Variants in CCL15 observed in about 807,000 individuals in gnomAD.
The protein encoded by CCL15 is C-C motif chemokine ligand 15.
CCL15 carries 8 observed loss-of-function variants against 10.6 expected under a neutral mutation model. That is an observed-to-expected ratio of 0.75 (90% CI 0.44 to 1.36). The LOEUF (loss-of-function observed/expected upper bound fraction) is 1.36, where lower values mean the gene tolerates loss of function less well. Ranked by LOEUF, CCL15 falls within the 40% of genes most tolerant of loss-of-function variation. The pLI is 0.00. For synonymous variants in CCL15, 51 were observed against 48.8 expected (o/e 1.04, Z -0.19); for missense variants, 128 against 136.6 (o/e 0.94, Z 0.32).
Position 35,997,823 on chromosome 17 carries a change from G to C in CCL15, c.286C>G (p.Pro96Ala). The C allele has an allele frequency of 6.2e-7, 1 of 1,614,040 alleles. No individual in the cohort carries two copies. Among genetic ancestry groups the C allele is most frequent in the Non-Finnish European group, 8.5e-7 (1 of 1,179,934 alleles). Residue 96 changes from proline (P) to alanine (A), a missense_variant, in exon 4 of 4, where the codon CCC becomes GCC. Transcript: ENST00000617897. Reference sequence around the variant, plus strand: ...CAATCCTGAACTCCCGGACCACTGGGTTTGGCACAGACTTGCCGCCCCTTC... The same window carrying C: ...CAATCCTGAACTCCCGGACCACTGGCTTTGGCACAGACTTGCCGCCCCTTC... The part of the protein sequence containing the change: ...TKKGRQVCAK[P>A]SGPGVQDCMK...
In CCL15 at chr17:35,997,945, T is replaced by C. The variant is rs1408346915; in HGVS notation, c.249-85A>G. 1.5e-5 allele frequency: 13 copies of C among 889,686 alleles called. No individual in the cohort carries two copies. The African/African-American group carries it at 2.0e-4, about 14-fold the overall frequency. 55.1% of individuals were successfully genotyped at this position (889,686 alleles called of 1,614,324 possible). ...CCCCATCCTCCCTGCTCCTCAGATT[T>C]CCCAGTCAACACAGCCTGTTTTTTC... On this transcript the variant is annotated intron_variant, in intron 3 of 3. Coordinates refer to ENST00000617897, the MANE Select transcript of CCL15 (RefSeq NM_032965.6).
chr17:35,999,425 C>T (rs944012249), intron 1 of CCL15, among the ~76,000 whole-genome samples: 1 of 151,622 alleles, frequency 6.6e-6, no homozygotes, highest in African/African-American at 2.4e-5. Context: ...TCTTCCTTGG[C>T]CCCACCAAGG....
Position 35,997,841 on chromosome 17 carries a change from G to A in CCL15, c.268C>T (p.Arg90Trp), listed in dbSNP as rs138739843. The change falls in exon 4 of 4, where the codon CGG becomes TGG. Residue 90 changes from arginine to tryptophan, a missense_variant. Arg to Trp is a moderately radical substitution (Grantham distance 101). Transcript: ENST00000617897. Reference protein sequence around the residue: ...PGVIFLTKKGRQVCAKPSGPG... With the variant: ...PGVIFLTKKGWQVCAKPSGPG... ...CCACTGGGTTTGGCACAGACTTGCC[G>A]CCCCTTCTTGGTGAGGAATCTGGGG... is the stretch of plus-strand genomic sequence containing the variant. 87 of 1,613,650 alleles carry A rather than the reference G, an allele frequency of 5.4e-5. No homozygotes were observed. In the Admixed American group the frequency reaches 1.2e-3, roughly 22 times the overall value.
At chr17:35,998,996 A>G in intron 1 of CCL15, 71 bp from the exon 2 acceptor site, 3 of 1,250,392 alleles carry the variant, frequency 2.4e-6, no homozygotes, top group Non-Finnish European at 3.5e-6. Context: ...CACCCACCCC[A>G]TTGCTCATCC....
chr17:35,997,705 A>T lies in CCL15; in HGVS notation c.*62T>A, dbSNP rs2089931327. 2.1e-6 allele frequency: 2 copies of T among 968,824 alleles called. No individual in the cohort carries two copies. Among genetic ancestry groups the T allele is most frequent in the African/African-American group, 3.2e-5 (2 of 62,066 alleles). 60.0% of individuals were successfully genotyped at this position (968,824 alleles called of 1,614,324 possible). A position where few individuals can be genotyped will look rare whatever the true frequency, so the allele number is the denominator to read the frequency against. ...AATATATATATTTTTTAAGTATTTC[A>T]GACCAAGAAACTCACAGGAGGTGTT... On this transcript the variant is annotated 3_prime_UTR_variant, in exon 4 of 4. Coordinates refer to ENST00000617897, the MANE Select transcript of CCL15 (RefSeq NM_032965.6).
At chr17:36,001,388 T>A in intron 1 of CCL15, 29 bp downstream of exon 1, 1 of 1,613,756 alleles carries the variant, frequency 6.2e-7, no homozygotes, top group Non-Finnish European at 8.5e-7. Flanking sequence ...ATGGACCTGG[T>A]CACCTGGGAG....
At chr17:36,001,352 G>A (rs2089993077) in intron 1 of CCL15, 65 bp downstream of exon 1, 1 of 1,594,356 alleles carries the variant, frequency 6.3e-7, no homozygotes, top group African/African-American at 1.3e-5. Context: ...GTCACAACAT[G>A]TCTCCGTCCC....
At chr17:35,998,718 T>C in intron 2 of CCL15, 148 bp downstream of exon 2, 1 of 705,306 alleles carries the variant, frequency 1.4e-6, no homozygotes, top group Non-Finnish European at 2.5e-6. Context: ...GGGGTCCCCC[T>C]ACCCTGTCCT....
At chr17:35,997,893 G>A (rs753913133) in intron 3 of CCL15, 33 bp from the exon 4 acceptor site, 5 of 1,545,308 alleles carry the variant, frequency 3.2e-6, no homozygotes, top group Non-Finnish European at 3.6e-6. Context: ...ATTACAAACT[G>A]AGGTGTGGGC....
chr17:36,000,548 G>A (rs2089981975), intron 1 of CCL15, among the ~76,000 whole-genome samples: 1 of 151,538 alleles, frequency 6.6e-6, no homozygotes, highest in African/African-American at 2.4e-5. Flanking sequence ...ATAGCTAAGG[G>A]TTTAGACCTT....
In CCL15 at chr17:35,997,825, T is replaced by C; in HGVS notation, c.284A>G (p.Lys95Arg). ...LTKKGRQVCA[K>R]PSGPGVQDCM... Reference sequence around the variant, plus strand: ...ATCCTGAACTCCCGGACCACTGGGTTTGGCACAGACTTGCCGCCCCTTCTT... The same window carrying C: ...ATCCTGAACTCCCGGACCACTGGGTCTGGCACAGACTTGCCGCCCCTTCTT... The change falls in exon 4 of 4, where the codon AAA becomes AGA. Residue 95 changes from lysine to arginine, a missense_variant. Physicochemically the swap from Lys to Arg is conservative, Grantham distance 26. Transcript: ENST00000617897. 6.2e-7 allele frequency: 1 copy of C among 1,614,046 alleles called. No homozygotes were observed.
chr17:36,001,183 A>G (rs76870803), intron 1 of CCL15, among the ~76,000 whole-genome samples: 1,880 of 152,334 alleles, frequency 0.012, 41 homozygotes, highest in African/African-American at 0.042. Flanking sequence ...AAAAAATCAG[A>G]TAATTTTTGC....
chr17:36,000,149 T>TA (rs2089974345), intron 1 of CCL15, among the ~76,000 whole-genome samples: 1,431 of 75,474 alleles, frequency 0.019, 32 homozygotes, highest in African/African-American at 0.11. Flanking sequence ...AGACTCCATC[T>TA]CAAAAAAAAA....
rs1208243136 is a variant in CCL15, at chr17:35,998,990, C to G, written c.77-65G>C. On this transcript the variant is annotated intron_variant, in intron 1 of 3. Coordinates refer to ENST00000617897, the MANE Select transcript of CCL15 (RefSeq NM_032965.6). Reference sequence around the variant, plus strand: ...AGCAGTATGTTTCAACATCTCCACCCACCCCATTGCTCATCCTCCTCCTGA... The same window carrying G: ...AGCAGTATGTTTCAACATCTCCACCGACCCCATTGCTCATCCTCCTCCTGA... 2.3e-6 allele frequency: 3 copies of G among 1,292,284 alleles called. No individual in the cohort carries two copies. In the African/African-American group the frequency reaches 4.4e-5, roughly 19 times the overall value. The allele number at this position is 1,292,284 out of a possible 1,614,324, so 80.1% of individuals were successfully genotyped here. A position where few individuals can be genotyped will look rare whatever the true frequency, so the allele number is the denominator to read the frequency against.
intron 2 of CCL15, 75 bp downstream of exon 2, chr17:35,998,791 A>G: frequency 1.2e-5 from 14 of 1,145,724 alleles, no homozygotes; most frequent in Non-Finnish European, 1.9e-5. Context: ...TTCTGTAAAC[A>G]GGGACAATGG....
In CCL15 at chr17:35,997,729, T is replaced by C. The variant is rs756125252; in HGVS notation, c.*38A>G. On this transcript the variant is annotated 3_prime_UTR_variant, in exon 4 of 4. Coordinates refer to ENST00000617897, the MANE Select transcript of CCL15 (RefSeq NM_032965.6). ...CAGACCAAGAAACTCACAGGAGGTG[T>C]TGGAGGTGGGTGGCTGGCCTCTTTT... 2.4e-6 allele frequency: 3 copies of C among 1,266,168 alleles called. No homozygotes were observed. Among genetic ancestry groups the C allele is most frequent in the African/African-American group, 2.9e-5 (2 of 68,134 alleles). 78.4% of individuals were successfully genotyped at this position (1,266,168 alleles called of 1,614,324 possible).
intron 1 of CCL15, 25 bp downstream of exon 1, chr17:36,001,392 C>G: frequency 6.2e-7 from 1 of 1,613,926 alleles, no homozygotes; most frequent in Non-Finnish European, 8.5e-7. Flanking sequence ...ACCTGGTCAC[C>G]TGGGAGAAAG....
rs1354818993 is a variant in CCL15, at chr17:35,998,351, T to C, written c.177A>G (p.Ser59=). The change falls in exon 3 of 4, where the codon TCA becomes TCG. Residue 59 remains serine, a synonymous_variant. Coordinates refer to ENST00000617897, the MANE Select transcript of CCL15 (RefSeq NM_032965.6). ...FAADCCTSYI[S]QSIPCSLMKS... ...TCATGAGTGAACACGGGATGCTTTGTGAGATGTAGGAGGTGCAGCAGTCAG... is the reference window on the plus strand; with the variant it reads ...TCATGAGTGAACACGGGATGCTTTGCGAGATGTAGGAGGTGCAGCAGTCAG... The C allele has an allele frequency of 6.2e-7, 1 of 1,614,036 alleles. No homozygotes were observed. Among genetic ancestry groups the C allele is most frequent in the Non-Finnish European group, 8.5e-7 (1 of 1,179,898 alleles).
chr17:35,997,949 A>C (rs1364426020), intron 3 of CCL15, 89 bp from the exon 4 acceptor site: 6 of 844,134 alleles, frequency 7.1e-6, no homozygotes, highest in Non-Finnish European at 1.2e-5. Flanking sequence ...CAGATTTCCC[A>C]GTCAACACAG....
Sources: gnomAD v4.1 joint callset for allele counts (sites outside exome capture counted in the v4.1 genomes callset) on GRCh38, gnomAD v4.1.1 for gene constraint, MANE v1.5 for transcripts, NCBI Gene and HGNC (gene_info 2026-07-23, HGNC 2026-07-21) for gene names.